DIAPH3: variants seen among roughly 807,000 people sequenced by gnomAD.
The protein encoded by DIAPH3 is protein diaphanous homolog 3.
In DIAPH3, 117 loss-of-function variants were observed where a neutral mutation model predicts 144.3. The ratio of observed to expected loss-of-function variants is 0.81; its 90% CI spans 0.70 to 0.95. The LOEUF is 0.95. DIAPH3 is among the 40% of genes least tolerant of loss of function. The pLI is 0.00. For synonymous variants in DIAPH3, 519 were observed against 488.9 expected, an observed-to-expected ratio of 1.06 and a Z score of -0.81; for missense variants, 1,421 against 1,412.7, an observed-to-expected ratio of 1.01 and a Z score of -0.09.
chr13:60,000,438 A>C (rs2052454071), intron 9 of DIAPH3, among the ~76,000 whole-genome samples: 1 of 152,112 alleles, frequency 6.6e-6, no homozygotes, highest in East Asian at 1.9e-4. Flanking sequence ...AAAAACCTAA[A>C]GCAAACAATG....
At chr13:59,906,815 A>G (rs1013405953) in intron 20 of DIAPH3, among the ~76,000 whole-genome samples, 3 of 152,250 alleles carry the variant, frequency 2.0e-5, no homozygotes, top group African/African-American at 7.2e-5. Context: ...GCAAATTTTT[A>G]GGCCTCTTTC....
At chr13:60,073,208 C>T (rs141418117) in intron 4 of DIAPH3, among the ~76,000 whole-genome samples, 284 of 151,974 alleles carry the variant, frequency 1.9e-3, no homozygotes, top group African/African-American at 6.3e-3. Context: ...ACTCAGGAGG[C>T]CGAGGCAGAA....
Position 59,861,550 on chromosome 13 carries a change from G to T in DIAPH3, c.2608-14C>A. 1 of 1,612,972 alleles carries T rather than the reference G, an allele frequency of 6.2e-7. No homozygotes were observed. Among genetic ancestry groups the T allele is most frequent in the Middle Eastern group, 1.7e-4 (1 of 6,054 alleles). ...TGTGTCCTTTAGCTAAATAGAACAGGAGGGAGAAAAAACACAGAGTCATAA... is the reference window on the plus strand; with the variant it reads ...TGTGTCCTTTAGCTAAATAGAACAGTAGGGAGAAAAAACACAGAGTCATAA... On this transcript the variant is annotated splice_polypyrimidine_tract_variant and intron_variant, in intron 21 of 27. Coordinates refer to ENST00000400324, the MANE Select transcript of DIAPH3 (RefSeq NM_001042517.2).
intron 2 of DIAPH3, among the ~76,000 whole-genome samples, chr13:60,119,445 T>A (rs1002493584): frequency 1.3e-5 from 2 of 151,682 alleles, no homozygotes; most frequent in Non-Finnish European, 2.9e-5. Flanking sequence ...CACACAGAAG[T>A]GGTATGAAAT....
intron 19 of DIAPH3, among the ~76,000 whole-genome samples, chr13:59,914,483 C>A (rs535899305): frequency 1.2e-3 from 184 of 152,064 alleles, no homozygotes; most frequent in Non-Finnish European, 2.2e-3. Flanking sequence ...TCCCCAAAAC[C>A]TATGAAAATA....
At chr13:59,953,675 G>A (rs535524402) in intron 17 of DIAPH3, among the ~76,000 whole-genome samples, 104 of 152,290 alleles carry the variant, frequency 6.8e-4, no homozygotes, top group African/African-American at 2.3e-3. Flanking sequence ...ACGATGTGTA[G>A]AGCAGAAAAG....
At chr13:59,939,068 C>G (rs10507643) in intron 17 of DIAPH3, among the ~76,000 whole-genome samples, 95,622 of 151,936 alleles carry the variant, frequency 0.63, 30,896 homozygotes, top group Admixed American at 0.71. Context: ...ATGTAGGAAT[C>G]ATGTAGTTAA....
At chr13:60,133,480 G>A (rs2059193437) in intron 1 of DIAPH3, among the ~76,000 whole-genome samples, 2 of 152,168 alleles carry the variant, frequency 1.3e-5, no homozygotes, top group South Asian at 4.1e-4. Context: ...GAAGTACTTT[G>A]CTGGCTTAAT....
rs200469266 is a variant in DIAPH3, at chr13:59,975,206, GA to G, written c.1546-751del. On this transcript the variant is annotated intron_variant, in intron 14 of 27. Coordinates refer to ENST00000400324, the MANE Select transcript of DIAPH3 (RefSeq NM_001042517.2). ...AGCATTTGACTTTCTTAAGAAAAATGAAAAAAAAAATCAATCAAAAAAATGC... is the reference window on the plus strand; with the variant it reads ...AGCATTTGACTTTCTTAAGAAAAATGAAAAAAAAATCAATCAAAAAAATGC... Among the ~76,000 whole-genome samples the G allele has an allele frequency of 2.5e-4, 37 of 146,288 alleles. No individual in the cohort carries two copies. In the South Asian group the frequency reaches 3.2e-3, roughly 13 times the overall value.
intron 12 of DIAPH3, among the ~76,000 whole-genome samples, chr13:59,989,750 G>A (rs1182878710): frequency 6.6e-6 from 1 of 151,776 alleles, no homozygotes; most frequent in African/African-American, 2.4e-5. Context: ...AATCTGTTTT[G>A]AAGCTAGATA....
intron 18 of DIAPH3, among the ~76,000 whole-genome samples, chr13:59,917,331 C>T (rs997368224): frequency 6.6e-6 from 1 of 151,966 alleles, no homozygotes; most frequent in Admixed American, 6.6e-5. Context: ...GGAACCAATC[C>T]CTCTGATATC....
At chr13:60,019,609 TA>T (rs5803982) in intron 5 of DIAPH3, among the ~76,000 whole-genome samples, 95,124 of 144,200 alleles carry the variant, frequency 0.66, 31,405 homozygotes, top group African/African-American at 0.74. Context: ...TAATAAAAAT[TA>T]AAAAAAAAAA....
intron 22 of DIAPH3, among the ~76,000 whole-genome samples, chr13:59,857,655 C>G (rs1024850203): frequency 2.0e-5 from 3 of 152,028 alleles, no homozygotes; most frequent in African/African-American, 7.2e-5. Flanking sequence ...AGCAGCAGTT[C>G]CTAAAGTATA....
At chr13:59,942,207 C>T (rs938322168) in intron 17 of DIAPH3, among the ~76,000 whole-genome samples, 1 of 152,166 alleles carries the variant, frequency 6.6e-6, no homozygotes, top group Non-Finnish European at 1.5e-5. Context: ...GAATAATTAA[C>T]TATCAAATAT....
At chr13:59,827,438 G>A (rs554919756) in intron 24 of DIAPH3, among the ~76,000 whole-genome samples, 44 of 152,064 alleles carry the variant, frequency 2.9e-4, no homozygotes, top group South Asian at 1.7e-3. Flanking sequence ...TAGATTACCC[G>A]TAAGGAGTTC....
At chr13:59,786,788 T>C (rs1205217231) in intron 25 of DIAPH3, among the ~76,000 whole-genome samples, 2 of 152,194 alleles carry the variant, frequency 1.3e-5, no homozygotes, top group Non-Finnish European at 2.9e-5. Context: ...AGAAGGTGGC[T>C]CTGTGGTCAA....
intron 27 of DIAPH3, among the ~76,000 whole-genome samples, chr13:59,769,423 G>C (rs1050116861): frequency 6.6e-6 from 1 of 152,002 alleles, no homozygotes; most frequent in Admixed American, 6.6e-5. Context: ...CCATTCCTAA[G>C]GTTCAGTCCT....
intron 20 of DIAPH3, among the ~76,000 whole-genome samples, chr13:59,884,274 GA>G (rs1232831751): frequency 6.6e-6 from 1 of 152,048 alleles, no homozygotes; most frequent in Non-Finnish European, 1.5e-5. Context: ...TTAGTTGCAG[GA>G]AAACAAGCTC....
intron 1 of DIAPH3, among the ~76,000 whole-genome samples, chr13:60,155,160 C>G (rs1951962264): frequency 6.6e-6 from 1 of 152,176 alleles, no homozygotes; most frequent in East Asian, 1.9e-4. Flanking sequence ...AACATCTGTT[C>G]AGAAGCAATT....
Sources: gnomAD v4.1 joint callset for allele counts (sites outside exome capture counted in the v4.1 genomes callset) on GRCh38, gnomAD v4.1.1 for gene constraint, MANE v1.5 for transcripts, NCBI Gene and HGNC (gene_info 2026-07-23, HGNC 2026-07-21) for gene names.